The following PRKCE variants were observed in gnomAD, a reference collection of about 807,000 sequenced individuals.
The protein encoded by PRKCE is protein kinase C epsilon type.
A neutral mutation model predicts 85.4 loss-of-function variants in PRKCE; 16 were observed. That is an observed-to-expected ratio of 0.19 (90% CI 0.13 to 0.28). The LOEUF (loss-of-function observed/expected upper bound fraction) is 0.28. PRKCE is among the 10% of genes least tolerant of loss of function. PRKCE has a pLI of 1.00. For synonymous variants in PRKCE, 388 were observed against 371.5 expected (o/e 1.04, Z -0.51); for missense variants, 573 against 975.2 (o/e 0.59, Z 5.49).
intron 1 of PRKCE, among the ~76,000 whole-genome samples, chr2:45,765,527 G>A (rs572491024): frequency 6.6e-6 from 1 of 152,298 alleles, no homozygotes; most frequent in African/African-American, 2.4e-5. Flanking sequence ...TACCTTTTGT[G>A]GTTTGCTTCC....
chr2:45,968,011 G>T (rs1701846297), intron 2 of PRKCE, among the ~76,000 whole-genome samples: 1 of 152,192 alleles, frequency 6.6e-6, no homozygotes, highest in African/African-American at 2.4e-5. Flanking sequence ...TGAACACAAA[G>T]GGTAGGGGAC....
intron 2 of PRKCE, among the ~76,000 whole-genome samples, chr2:45,955,839 C>G (rs1405028247): frequency 6.6e-6 from 1 of 151,960 alleles, no homozygotes; most frequent in Non-Finnish European, 1.5e-5. Flanking sequence ...TAAACTTCAC[C>G]TTTTAGCATA....
In PRKCE at chr2:46,007,528, G is replaced by C. The variant is rs774543192; in HGVS notation, c.1130G>C (p.Arg377Pro). 6.3e-6 allele frequency: 10 copies of C among 1,599,772 alleles called. No individual in the cohort carries two copies. The East Asian group carries it at 2.2e-4, about 36-fold the overall frequency. The change falls in exon 9 of 15, where the codon CGG becomes CCG. Residue 377 changes from arginine (R) to proline (P), a missense_variant. By Grantham distance (103) the Arg-to-Pro change is moderately radical. This residue lies in a region of PRKCE where 117 missense variants were observed against 104.8 expected (regional missense o/e 1.12). Coordinates refer to ENST00000306156, the MANE Select transcript of PRKCE (RefSeq NM_005400.3). Reference protein sequence around the residue: ...LSFDNRGEEHRAASSPDGQLM... With the variant: ...LSFDNRGEEHPAASSPDGQLM... The stretch of plus-strand genomic sequence containing the variant: ...TTTGACAACCGAGGAGAGGAGCACC[G>C]GGCAGCATCGTCTCCTGATGGCCAG...
rs371610506 is a variant in PRKCE, at chr2:46,075,145, G to A, written c.1438-11063G>A. 2.6e-5 allele frequency among the ~76,000 whole-genome samples: 4 copies of A among 152,124 alleles called. No homozygotes were observed. The South Asian group carries it at 6.2e-4, about 24-fold the overall frequency. ...AAGCTCCGCCTCCTGGTTTCACGCCGTTCTCCTGCCTGAGCCTCCCGAGTA... is the reference window on the plus strand; with the variant it reads ...AAGCTCCGCCTCCTGGTTTCACGCCATTCTCCTGCCTGAGCCTCCCGAGTA... On this transcript the variant is annotated intron_variant, in intron 10 of 14. Transcript: ENST00000306156.
intron 1 of PRKCE, among the ~76,000 whole-genome samples, chr2:45,749,627 G>T (rs1573192522): frequency 6.6e-6 from 1 of 152,240 alleles, no homozygotes; most frequent in African/African-American, 2.4e-5. Flanking sequence ...ATGAAAATTA[G>T]TGATAAGCAT....
intron 1 of PRKCE, among the ~76,000 whole-genome samples, chr2:45,839,511 G>T (rs1327577157): frequency 1.3e-5 from 2 of 152,212 alleles, no homozygotes; most frequent in Admixed American, 6.5e-5. Context: ...GGAGCCTGGT[G>T]CAAAGAAGAG....
At chr2:46,128,699 A>G (rs548690705) in intron 11 of PRKCE, among the ~76,000 whole-genome samples, 27 of 152,330 alleles carry the variant, frequency 1.8e-4, no homozygotes, top group African/African-American at 5.8e-4. Context: ...CAGTGGCCCC[A>G]AAGATAGATC....
intron 1 of PRKCE, among the ~76,000 whole-genome samples, chr2:45,666,219 T>C (rs1000300895): frequency 6.6e-6 from 1 of 152,152 alleles, no homozygotes; most frequent in Non-Finnish European, 1.5e-5. Flanking sequence ...TGAGTACTAA[T>C]TCATGGAGAC....
chr2:46,159,155 G>A lies in PRKCE; in HGVS notation c.1921-451G>A, dbSNP rs539635837. Among the ~76,000 whole-genome samples, 1 of 152,236 alleles carries A rather than the reference G, an allele frequency of 6.6e-6. No homozygotes were observed. Among genetic ancestry groups the A allele is most frequent in the African/African-American group, 2.4e-5 (1 of 41,538 alleles). On this transcript the variant is annotated intron_variant, in intron 13 of 14. Coordinates refer to ENST00000306156, the MANE Select transcript of PRKCE (RefSeq NM_005400.3). This position sits in a 1 kb window ranked among gnomAD's most constrained non-coding sequence, Gnocchi z 4.1. Reference sequence around the variant, plus strand: ...TGGTCCTTATTCCTTATCTCAAAAAGGACCGTTGACCCCTCCATGTAAATG... The same window carrying A: ...TGGTCCTTATTCCTTATCTCAAAAAAGACCGTTGACCCCTCCATGTAAATG...
intron 1 of PRKCE, among the ~76,000 whole-genome samples, chr2:45,660,397 A>G (rs1435813662): frequency 1.3e-5 from 2 of 152,146 alleles, no homozygotes; most frequent in Non-Finnish European, 1.5e-5. Flanking sequence ...TCAAGTCTGA[A>G]TTTCCCAAAA....
chr2:45,962,731 A>C (rs1034800990), intron 2 of PRKCE, among the ~76,000 whole-genome samples: 3 of 152,160 alleles, frequency 2.0e-5, no homozygotes, highest in Non-Finnish European at 4.4e-5. Context: ...AATTTCCTGG[A>C]CTATGATGTC....
intron 10 of PRKCE, among the ~76,000 whole-genome samples, chr2:46,065,362 C>A (rs778582769): frequency 4.6e-5 from 7 of 152,056 alleles, no homozygotes; most frequent in Admixed American, 4.6e-4. Context: ...CTAATATTCT[C>A]TTAAAATAAT....
chr2:45,935,656 G>A (rs559265464), intron 2 of PRKCE, among the ~76,000 whole-genome samples: 6 of 152,100 alleles, frequency 3.9e-5, no homozygotes, highest in South Asian at 4.2e-4. Context: ...GCATTGTGAC[G>A]TGCCGGTAAT....
In PRKCE at chr2:46,139,519, T is replaced by C. The variant is rs992512705; in HGVS notation, c.1593-5574T>C. Among the ~76,000 whole-genome samples, 2 of 152,154 alleles carry C rather than the reference T, an allele frequency of 1.3e-5. No individual in the cohort carries two copies. The highest frequency in any genetic ancestry group is 4.8e-5 in the African/African-American group (2 of 41,450). ...CTGTGCTCTAAATAAGATACAAGTT[T>C]CTTTCTTTTTCATATGAAAGTTATC... On this transcript the variant is annotated intron_variant, in intron 11 of 14. Transcript: ENST00000306156. The surrounding 1 kb of genome is among the most constrained non-coding windows in gnomAD (Gnocchi z 5.2).
intron 1 of PRKCE, among the ~76,000 whole-genome samples, chr2:45,760,517 G>T (rs762589207): frequency 6.6e-6 from 1 of 152,136 alleles, no homozygotes; most frequent in African/African-American, 2.4e-5. Flanking sequence ...TAGGTCCATC[G>T]ACAACAAAAG....
intron 1 of PRKCE, among the ~76,000 whole-genome samples, chr2:45,745,074 A>G (rs1319735641): frequency 6.6e-6 from 1 of 152,144 alleles, no homozygotes; most frequent in South Asian, 2.1e-4. Flanking sequence ...TTGGGGTGCT[A>G]TGGGGAGGCA....
In PRKCE at chr2:45,976,443, G is replaced by A. The variant is rs772834505; in HGVS notation, c.427G>A (p.Glu143Lys). ...TCCTTCCCCAGCCCCTAAAGACAATGAAGAGCGTGTGTTCAGGGAACGCAT... is the reference window on the plus strand; with the variant it reads ...TCCTTCCCCAGCCCCTAAAGACAATAAAGAGCGTGTGTTCAGGGAACGCAT... ...GSSGEAPKDN[E>K]ERVFRERMRP... The change falls in exon 3 of 15, where the codon GAA (glutamate) becomes AAA (lysine). Residue 143 changes from glutamate to lysine, a missense_variant. Physicochemically the swap from Glu to Lys is moderately conservative, Grantham distance 56 (BLOSUM62 1). This residue lies in a region of PRKCE where 33 missense variants were observed against 33.7 expected (regional missense o/e 0.98). Transcript: ENST00000306156. 1.3e-6 allele frequency: 2 copies of A among 1,599,748 alleles called. No homozygotes were observed. Among genetic ancestry groups the A allele is most frequent in the South Asian group, 2.2e-5 (2 of 91,086 alleles).
intron 2 of PRKCE, among the ~76,000 whole-genome samples, chr2:45,963,108 G>A (rs973114198): frequency 3.3e-5 from 5 of 152,078 alleles, no homozygotes; most frequent in East Asian, 1.9e-4. Context: ...GTGCCCTGCC[G>A]TGGGGACTAG....
rs1428466418 is a variant in PRKCE, at chr2:45,652,651, A to T, written c.348+203A>T. On this transcript the variant is annotated intron_variant, in intron 1 of 14. Coordinates refer to ENST00000306156, the MANE Select transcript of PRKCE (RefSeq NM_005400.3). This position sits in a 1 kb window ranked among gnomAD's most constrained non-coding sequence, Gnocchi z 7.7. ...GGCGAGGAAGATGAGACTTGGAAAG[A>T]GGATGTGGCCCTCTGCTCCCTCTGT... is the stretch of plus-strand genomic sequence containing the variant. Among the ~76,000 whole-genome samples, 2 of 152,186 alleles carry T rather than the reference A, an allele frequency of 1.3e-5. No individual in the cohort carries two copies. The highest frequency in any genetic ancestry group is 2.4e-5 in the African/African-American group (1 of 41,444).
Sources: gnomAD v4.1 joint callset for allele counts (sites outside exome capture counted in the v4.1 genomes callset) on GRCh38, gnomAD v4.1.1 for gene constraint, gnomAD v4.1.1 regional missense constraint, Gnocchi (gnomAD v3.1) non-coding constraint, MANE v1.5 for transcripts, NCBI Gene and HGNC (gene_info 2026-07-23, HGNC 2026-07-21) for gene names.